The following RORA variants were observed in gnomAD, a reference collection of about 807,000 sequenced individuals.
The protein encoded by RORA is RAR related orphan receptor A.
RORA carries 7 observed loss-of-function variants against 69.5 expected under a neutral mutation model. The ratio of observed to expected loss-of-function variants is 0.10; its 90% CI spans 0.06 to 0.19. RORA has a LOEUF of 0.19. Among genes scored for constraint, RORA ranks in the 10% least tolerant of loss-of-function variants. The probability of loss-of-function intolerance (pLI) is 1.00; values close to 1 mark genes in which losing one functional copy is unlikely to be tolerated. For missense variants in RORA, 457 were observed against 663.0 expected, an observed-to-expected ratio of 0.69 and a Z score of 3.41; for synonymous variants, 261 against 240.8, an observed-to-expected ratio of 1.08 and a Z score of -0.78.
intron 1 of RORA, among the ~76,000 whole-genome samples, chr15:60,902,035 A>G (rs2899663): frequency 0.49 from 74,271 of 152,042 alleles, 18,378 homozygotes; most frequent in Non-Finnish European, 0.51. Flanking sequence ...CTAATTAACC[A>G]TAGTGAATCA....
chr15:60,512,916 C>A (rs2065749116), intron 4 of RORA, among the ~76,000 whole-genome samples: 1 of 152,168 alleles, frequency 6.6e-6, no homozygotes, highest in Non-Finnish European at 1.5e-5. Context: ...ACTTATTTTT[C>A]AGCTAGACTC....
At chr15:60,541,876 C>T (rs960105142) in intron 2 of RORA, among the ~76,000 whole-genome samples, 12 of 152,126 alleles carry the variant, frequency 7.9e-5, no homozygotes, top group South Asian at 2.1e-4. Context: ...GATATCAAAA[C>T]GAGGCCCGCA....
chr15:60,870,531 C>T (rs1013723994), intron 1 of RORA, among the ~76,000 whole-genome samples: 5 of 152,130 alleles, frequency 3.3e-5, no homozygotes, highest in African/African-American at 4.8e-5. Context: ...AGCAGAGGGG[C>T]GTCTTTAGCT....
At chr15:60,608,166 G>C (rs1020326987) in intron 2 of RORA, among the ~76,000 whole-genome samples, 18 of 152,304 alleles carry the variant, frequency 1.2e-4, no homozygotes, top group African/African-American at 4.3e-4. Flanking sequence ...CTGCATAGAC[G>C]GAGGAAAGGG....
intron 1 of RORA, among the ~76,000 whole-genome samples, chr15:60,950,513 G>C (rs1040610764): frequency 7.4e-6 from 1 of 135,938 alleles, no homozygotes. Flanking sequence ...AAAGAGTCAA[G>C]ACCCATCAGT....
intron 1 of RORA, among the ~76,000 whole-genome samples, chr15:60,733,949 AGAG>A (rs2071464970): frequency 2.0e-5 from 3 of 151,250 alleles, no homozygotes; most frequent in Non-Finnish European, 4.4e-5. Context: ...AGAGAGAGAG[AGAG>A]AGAAAGAGAA....
At chr15:60,790,328 G>A (rs1215404588) in intron 1 of RORA, among the ~76,000 whole-genome samples, 2 of 152,162 alleles carry the variant, frequency 1.3e-5, no homozygotes, top group South Asian at 2.1e-4. Flanking sequence ...GCAGGTTTTC[G>A]AAGACTACAC....
At chr15:60,517,711 G>A (rs575388123) in intron 3 of RORA, among the ~76,000 whole-genome samples, 5 of 152,254 alleles carry the variant, frequency 3.3e-5, no homozygotes, top group South Asian at 2.1e-4. Flanking sequence ...CTCTCCCACC[G>A]TTCATACCCT....
At chr15:61,054,800 C>G (rs11855459) in intron 1 of RORA, among the ~76,000 whole-genome samples, 7,480 of 150,860 alleles carry the variant, frequency 0.05, 459 homozygotes, top group African/African-American at 0.15. Context: ...GCATTTAAAA[C>G]AGTTTTTTTT....
At chr15:61,060,186 G>T (rs2078163073) in intron 1 of RORA, among the ~76,000 whole-genome samples, 1 of 152,190 alleles carries the variant, frequency 6.6e-6, no homozygotes, top group African/African-American at 2.4e-5. Flanking sequence ...TGAATAGATT[G>T]TAAACTAAAT....
At chr15:60,718,774 G>A (rs772751121) in intron 1 of RORA, among the ~76,000 whole-genome samples, 2 of 152,168 alleles carry the variant, frequency 1.3e-5, no homozygotes, top group Non-Finnish European at 2.9e-5. Flanking sequence ...ATGTGGAAAA[G>A]GATCTCTCAA....
chr15:61,048,214 G>C (rs978360765), intron 1 of RORA, among the ~76,000 whole-genome samples: 6 of 152,180 alleles, frequency 3.9e-5, no homozygotes, highest in African/African-American at 1.4e-4. Context: ...TGGTGTTACT[G>C]ATGAAATTAT....
intron 1 of RORA, among the ~76,000 whole-genome samples, chr15:60,706,988 T>C (rs2071071800): frequency 6.6e-6 from 1 of 152,346 alleles, no homozygotes; most frequent in African/African-American, 2.4e-5. Flanking sequence ...GAGAAGTTGA[T>C]AGTGGTTTTA....
intron 1 of RORA, among the ~76,000 whole-genome samples, chr15:61,058,045 C>A (rs1353802631): frequency 6.6e-6 from 1 of 152,096 alleles, no homozygotes; most frequent in Non-Finnish European, 1.5e-5. Context: ...GCTCAGTCCT[C>A]GCCCCTTACA....
intron 1 of RORA, chr15:60,681,637 C>G (rs910496385): frequency 6.6e-6 from 1 of 152,218 alleles, no homozygotes; most frequent in Non-Finnish European, 1.5e-5. Context: ...TCGCAGCAGG[C>G]ATGTGTGCCT....
intron 1 of RORA, among the ~76,000 whole-genome samples, chr15:60,783,210 G>C (rs1222840255): frequency 1.3e-5 from 2 of 152,150 alleles, no homozygotes; most frequent in Non-Finnish European, 2.9e-5. Context: ...ACTGGAATCA[G>C]AGGATTTACT....
At chr15:61,138,612 CA>C (rs1052651567) in intron 1 of RORA, among the ~76,000 whole-genome samples, 1 of 152,060 alleles carries the variant, frequency 6.6e-6, no homozygotes, top group African/African-American at 2.4e-5. Flanking sequence ...TACCCCTCAG[CA>C]AAAAGCTTGT....
intron 1 of RORA, among the ~76,000 whole-genome samples, chr15:60,979,267 G>C (rs989888822): frequency 2.8e-5 from 1 of 35,388 alleles, no homozygotes; most frequent in African/African-American, 9.1e-5. Context: ...CCTAGCCCTT[G>C]CTTTTTTTTT....
intron 1 of RORA, among the ~76,000 whole-genome samples, chr15:61,173,723 A>G (rs1278213323): frequency 6.6e-6 from 1 of 152,132 alleles, no homozygotes; most frequent in Admixed American, 6.5e-5. Context: ...TGGCGTGACC[A>G]CGGCTCACTG....
Sources: gnomAD v4.1 joint callset for allele counts (sites outside exome capture counted in the v4.1 genomes callset) on GRCh38, gnomAD v4.1.1 for gene constraint, MANE v1.5 for transcripts, NCBI Gene and HGNC (gene_info 2026-07-23, HGNC 2026-07-21) for gene names.